The following LAMA2 variants were observed in gnomAD, a reference collection of about 807,000 sequenced individuals.
LAMA2 encodes laminin subunit alpha 2, also known as laminin subunit alpha-2.
In LAMA2, 269 loss-of-function variants were observed where a neutral mutation model predicts 364.8. The ratio of observed to expected loss-of-function variants is 0.74; its 90% CI spans 0.67 to 0.82. The LOEUF (loss-of-function observed/expected upper bound fraction) is 0.82. Among genes scored for constraint, LAMA2 ranks in the 40% least tolerant of loss-of-function variants. The pLI is 0.00. For missense variants in LAMA2, 3,807 were observed against 3,873.2 expected (o/e 0.98, Z 0.45); for synonymous variants, 1,379 against 1,370.6 (o/e 1.01, Z -0.14).
chr6:129,514,319 C>T, intron 63 of LAMA2, 54 bp from the exon 64 acceptor site: 5 of 1,246,240 alleles, frequency 4.0e-6, no homozygotes, highest in Admixed American at 1.7e-5. Flanking sequence ...TGTGAACCAT[C>T]ATGATACTTC....
At chr6:128,996,653 T>C (rs1783959811) in intron 1 of LAMA2, among the ~76,000 whole-genome samples, 2 of 152,136 alleles carry the variant, frequency 1.3e-5, no homozygotes, top group South Asian at 2.1e-4. Context: ...TGTGGAGAAA[T>C]AGGAATGCTT....
chr6:129,320,806 T>C (rs1478485989), intron 28 of LAMA2, 151 bp downstream of exon 28: 2 of 685,204 alleles, frequency 2.9e-6, no homozygotes, highest in Non-Finnish European at 5.3e-6. Context: ...AAGAGGATAA[T>C]GTTATTGATA....
intron 3 of LAMA2, among the ~76,000 whole-genome samples, chr6:129,079,240 C>G (rs1436536013): frequency 1.3e-5 from 2 of 151,978 alleles, no homozygotes; most frequent in African/African-American, 4.8e-5. Flanking sequence ...ATTCACATAA[C>G]TTTTATTATA....
rs115826082 is a variant in LAMA2 at position 129,429,477 on chromosome 6, T to C, written c.5968+1623T>C. Among the ~76,000 whole-genome samples, 852 of 152,316 alleles carry C rather than the reference T, an allele frequency of 5.6e-3. 7 individuals are homozygous for C. Among genetic ancestry groups the C allele is most frequent in the African/African-American group, 0.018 (755 of 41,552 alleles). The stretch of plus-strand genomic sequence containing the variant: ...TTTAAAATCATTTATATTTGGCATG[T>C]TTTGGTCTCAGTAGAAGCTGATATG... On this transcript the variant is annotated intron_variant, in intron 41 of 64. Transcript: ENST00000421865.
intron 40 of LAMA2, among the ~76,000 whole-genome samples, chr6:129,416,195 C>T (rs190412394): frequency 7.0e-6 from 1 of 143,188 alleles, no homozygotes; most frequent in Non-Finnish European, 1.5e-5. Flanking sequence ...GTGATCCGCC[C>T]GCCCAAAGTG....
At chr6:129,027,873 A>T (rs1349974763) in intron 1 of LAMA2, among the ~76,000 whole-genome samples, 1 of 151,794 alleles carries the variant, frequency 6.6e-6, no homozygotes, top group African/African-American at 2.4e-5. Context: ...GGTGTATCAG[A>T]GTGAGATTAT....
chr6:128,970,409 G>A lies in LAMA2; in HGVS notation c.113-79509G>A, dbSNP rs548018402. 3.3e-4 allele frequency among the ~76,000 whole-genome samples: 50 copies of A among 152,182 alleles called. No individual in the cohort carries two copies. The South Asian group carries it at 0.01, about 31-fold the overall frequency. On this transcript the variant is annotated intron_variant, in intron 1 of 64. Transcript: ENST00000421865. Reference sequence around the variant, plus strand: ...TTTTGTTCTATGTTATATGACCTACGAATGTTAAGAGTCTGTAAGAGTTTC... The same window carrying A: ...TTTTGTTCTATGTTATATGACCTACAAATGTTAAGAGTCTGTAAGAGTTTC...
intron 14 of LAMA2, among the ~76,000 whole-genome samples, chr6:129,253,115 G>GT (rs931285768): frequency 4.6e-5 from 7 of 151,752 alleles, no homozygotes; most frequent in Admixed American, 6.6e-5. Context: ...AGGCGGCTTT[G>GT]TTTTTTTTAT....
intron 1 of LAMA2, among the ~76,000 whole-genome samples, chr6:128,959,283 C>G (rs1246717917): frequency 6.6e-6 from 1 of 152,072 alleles, no homozygotes; most frequent in Non-Finnish European, 1.5e-5. Flanking sequence ...GTTAAGAAAA[C>G]CATCCTGATG....
At chr6:129,426,260 C>A (rs1303740721) in intron 40 of LAMA2, among the ~76,000 whole-genome samples, 1 of 152,142 alleles carries the variant, frequency 6.6e-6, no homozygotes, top group East Asian at 1.9e-4. Context: ...GTCACTTCTG[C>A]TGTTTTCATG....
chr6:129,006,723 T>C (rs1034329748), intron 1 of LAMA2, among the ~76,000 whole-genome samples: 3 of 152,170 alleles, frequency 2.0e-5, no homozygotes, highest in Non-Finnish European at 2.9e-5. Context: ...CTCTCCATCG[T>C]GTCCAGTATA....
chr6:129,167,209 G>A (rs1419507146), intron 9 of LAMA2, among the ~76,000 whole-genome samples: 1 of 151,400 alleles, frequency 6.6e-6, no homozygotes, highest in African/African-American at 2.4e-5. Context: ...TGTGCACAAT[G>A]TGCAGGTTAG....
At chr6:129,172,346 G>T (rs538331916) in intron 9 of LAMA2, among the ~76,000 whole-genome samples, 130 of 152,284 alleles carry the variant, frequency 8.5e-4, no homozygotes, top group African/African-American at 3.1e-3. Context: ...TGTACAGATG[G>T]GTTTTTCGTG....
At chr6:129,234,175 T>C (rs17796969) in intron 12 of LAMA2, among the ~76,000 whole-genome samples, 7,553 of 152,266 alleles carry the variant, frequency 0.05, 278 homozygotes, top group Non-Finnish European at 0.069. Context: ...AATATGAGAC[T>C]TTATTTCTAT....
intron 31 of LAMA2, among the ~76,000 whole-genome samples, chr6:129,350,456 C>T (rs1211323214): frequency 1.3e-5 from 2 of 152,194 alleles, no homozygotes; most frequent in African/African-American, 2.4e-5. Context: ...GAATGTTTAC[C>T]CGCCCTTCCT....
intron 1 of LAMA2, among the ~76,000 whole-genome samples, chr6:128,931,034 CA>C (rs543445373): frequency 4.1e-5 from 6 of 148,086 alleles, no homozygotes; most frequent in East Asian, 2.0e-4. Context: ...TGGATCTCTG[CA>C]AAAAAAAAGG....
At chr6:129,285,273 T>C (rs1453872949) in intron 18 of LAMA2, among the ~76,000 whole-genome samples, 3 of 152,188 alleles carry the variant, frequency 2.0e-5, no homozygotes, top group African/African-American at 4.8e-5. Context: ...ACACCAGTAA[T>C]GTGCTGAAGT....
In LAMA2 at chr6:129,515,424, T is replaced by G. The variant is rs138661571; in HGVS notation, c.9212-766T>G. On this transcript the variant is annotated intron_variant, in intron 64 of 64. Coordinates refer to ENST00000421865, the MANE Select transcript of LAMA2 (RefSeq NM_000426.4). ...AAAAGATCTTTTGCTTCAATCAGGA[T>G]AAATTCCAAGATATTATGAAGGAGG... Among the ~76,000 whole-genome samples, 372 of 152,326 alleles carry G rather than the reference T, an allele frequency of 2.4e-3. 2 individuals are homozygous for G. Among genetic ancestry groups the G allele is most frequent in the African/African-American group, 8.5e-3 (353 of 41,578 alleles).
In LAMA2 at chr6:129,312,895, T is replaced by TCCAATGCAATGTAAATACAGG. The variant is rs1774317514; in HGVS notation, c.3219_3239dup (p.Val1074_Asn1080dup). The TCCAATGCAATGTAAATACAGG allele has an allele frequency of 6.2e-7, 1 of 1,614,168 alleles. No homozygotes were observed. On this transcript the variant is annotated inframe_insertion, in exon 23 of 65. Coordinates refer to ENST00000421865, the MANE Select transcript of LAMA2 (RefSeq NM_000426.4). ...TGCAGCACAGTGGGATCCTTGGATT[T>TCCAATGCAATGTAAATACAGG]CCAATGCAATGTAAATACAGGCCAA... is the stretch of plus-strand genomic sequence containing the variant.
Sources: allele counts gnomAD v4.1 joint callset (sites outside exome capture counted in the v4.1 genomes callset), GRCh38; gene constraint gnomAD v4.1.1; transcripts MANE v1.5; gene names NCBI Gene and HGNC (gene_info 2026-07-23, HGNC 2026-07-21).